The following SGCD variants were observed in gnomAD, a reference collection of about 807,000 sequenced individuals.
SGCD encodes sarcoglycan delta.
In SGCD, 18 loss-of-function variants were observed where a neutral mutation model predicts 36.6. That is an observed-to-expected ratio of 0.49 (90% CI 0.34 to 0.73). SGCD has a LOEUF of 0.73. Among genes scored for constraint, SGCD ranks in the 30% least tolerant of loss-of-function variants. The pLI is 0.01. For synonymous variants in SGCD, 133 were observed against 130.6 expected (o/e 1.02, Z -0.12); for missense variants, 387 against 346.7 (o/e 1.12, Z -0.92).
rs2113423918 is a variant in SGCD at position 156,603,950 on chromosome 5, T to C, written c.502+8899T>C. On this transcript the variant is annotated intron_variant, in intron 6 of 8. Coordinates refer to ENST00000337851, the MANE Select transcript of SGCD (RefSeq NM_000337.6). ...CAGTTTAAGTCTAATATTTCTTTGT[T>C]AATTTTCTGTATAAGTGATCTTTCC... is the stretch of plus-strand genomic sequence containing the variant. 1.3e-5 allele frequency among the ~76,000 whole-genome samples: 2 copies of C among 152,206 alleles called. 1 individual carries two copies. Among genetic ancestry groups the C allele is most frequent in the South Asian group, 4.1e-4 (2 of 4,830 alleles).
At chr5:156,653,493 C>CTTTCTTTTTTTTTTTTTTTTT (rs1763545418) in intron 7 of SGCD, among the ~76,000 whole-genome samples, 1 of 48,082 alleles carries the variant, frequency 2.1e-5, no homozygotes, top group Non-Finnish European at 4.0e-5. Context: ...CTAAAGCTTG[C>CTTTCTTTTTTTTTTTTTTTTT]TTTTTTTTTT....
At chr5:155,998,800 C>T (rs1300431423) in intron 1 of SGCD, among the ~76,000 whole-genome samples, 2 of 152,314 alleles carry the variant, frequency 1.3e-5, no homozygotes, top group African/African-American at 2.4e-5. Flanking sequence ...CTATGACTTA[C>T]CTGCTGGGTT....
chr5:155,729,184 C>T, the SGCD span, among the ~76,000 whole-genome samples: 3 of 152,228 alleles, frequency 2.0e-5, no homozygotes, highest in Non-Finnish European at 1.5e-5. Flanking sequence ...GAGGGAGTCC[C>T]CTTCCGCTTC....
At chr5:156,480,531 G>A (rs1455440355) in intron 3 of SGCD, among the ~76,000 whole-genome samples, 1 of 152,218 alleles carries the variant, frequency 6.6e-6, no homozygotes, top group East Asian at 1.9e-4. Context: ...AAGGAAATCA[G>A]ATGACCTTGA....
chr5:156,379,530 CTG>C (rs1456686350), intron 3 of SGCD, among the ~76,000 whole-genome samples: 1 of 152,132 alleles, frequency 6.6e-6, no homozygotes, highest in Non-Finnish European at 1.5e-5. Flanking sequence ...CATGGAGTGT[CTG>C]TAAATCAGAA....
chr5:155,754,116 A>G, the SGCD span, among the ~76,000 whole-genome samples: 3 of 152,288 alleles, frequency 2.0e-5, no homozygotes, highest in East Asian at 1.9e-4. Context: ...TGTTGTGGAA[A>G]CAGAACTGGA....
intron 3 of SGCD, among the ~76,000 whole-genome samples, chr5:156,439,098 A>T (rs949309500): frequency 6.6e-6 from 1 of 152,128 alleles, no homozygotes; most frequent in African/African-American, 2.4e-5. Flanking sequence ...AAAATAAGTA[A>T]TAGCAGCTAA....
At chr5:155,742,655 C>T in the SGCD span, among the ~76,000 whole-genome samples, 1 of 152,324 alleles carries the variant, frequency 6.6e-6, no homozygotes, top group Admixed American at 6.5e-5. Flanking sequence ...CCCCCACCCA[C>T]CTCATACCAA....
At chr5:155,783,822 A>T in the SGCD span, among the ~76,000 whole-genome samples, 1 of 152,242 alleles carries the variant, frequency 6.6e-6, no homozygotes, top group East Asian at 1.9e-4. Context: ...TATTTTGAAC[A>T]CGATATGTGG....
Position 156,293,363 on chromosome 5 carries a change from C to A in SGCD, c.-43-36171C>A, listed in dbSNP as rs1307085328. On this transcript the variant is annotated intron_variant, in intron 3 of 9. Coordinates refer to the SGCD transcript ENST00000517913. ...CCTTTTTAAAATTTTCTTGCCTTTG[C>A]CTTTGGTGTCATATCCAAGAAAGCA... is the stretch of plus-strand genomic sequence containing the variant. 2.6e-5 allele frequency among the ~76,000 whole-genome samples: 4 copies of A among 152,034 alleles called. No homozygotes were observed. In the South Asian group the frequency reaches 8.3e-4, roughly 32 times the overall value.
chr5:156,357,330 C>T (rs966003053), intron 3 of SGCD, among the ~76,000 whole-genome samples: 1 of 152,132 alleles, frequency 6.6e-6, no homozygotes, highest in African/African-American at 2.4e-5. Context: ...AGTGGGTAGC[C>T]AGGTCAATAT....
intron 6 of SGCD, among the ~76,000 whole-genome samples, chr5:156,612,529 C>T (rs1478391521): frequency 1.3e-5 from 2 of 152,244 alleles, no homozygotes; most frequent in Non-Finnish European, 2.9e-5. Flanking sequence ...TTGGACTGGA[C>T]ATGTGCAGGT....
chr5:155,997,300 G>T (rs566421400), intron 1 of SGCD, among the ~76,000 whole-genome samples: 14 of 152,284 alleles, frequency 9.2e-5, no homozygotes, highest in Non-Finnish European at 1.8e-4. Context: ...AAGAGTCCTT[G>T]TTCTTTTATG....
At chr5:156,749,732 A>C (rs1229430604) in intron 7 of SGCD, among the ~76,000 whole-genome samples, 1 of 152,182 alleles carries the variant, frequency 6.6e-6, no homozygotes, top group Admixed American at 6.5e-5. Context: ...TTACAAAAAA[A>C]ACTGGAGAAG....
intron 3 of SGCD, among the ~76,000 whole-genome samples, chr5:156,214,561 A>G (rs759818255): frequency 3.9e-5 from 6 of 152,070 alleles, no homozygotes; most frequent in Non-Finnish European, 7.4e-5. Context: ...CAGATTAAAT[A>G]TAATCTCTAT....
chr5:156,213,916 A>G (rs896425739), intron 3 of SGCD, among the ~76,000 whole-genome samples: 4 of 152,034 alleles, frequency 2.6e-5, no homozygotes, highest in African/African-American at 4.8e-5. Context: ...ATTTTATGTT[A>G]AAAACTCTCA....
chr5:155,838,815 T>G, the SGCD span, among the ~76,000 whole-genome samples: 45 of 151,628 alleles, frequency 3.0e-4, no homozygotes, highest in South Asian at 8.3e-4. Context: ...CTTATTTTTT[T>G]GGGGGGGAAT....
chr5:155,799,157 T>C, the SGCD span, among the ~76,000 whole-genome samples: 21 of 152,184 alleles, frequency 1.4e-4, no homozygotes, highest in Non-Finnish European at 2.9e-4. Flanking sequence ...AAGTAACAAA[T>C]GATTCACATA....
Position 156,759,305 on chromosome 5 carries a change from T to C in SGCD, c.788T>C (p.Ile263Thr). The stretch of plus-strand genomic sequence containing the variant: ...GGAACGAGGCAGAAGGTCTTCGAGA[T>C]CTGCGTCTGCGCCAATGGGAGATTA... ...PTGTRQKVFE[I>T]CVCANGRLFL... The change falls in exon 9 of 9, where the codon ATC becomes ACC. Residue 263 changes from isoleucine (I) to threonine (T), a missense_variant. Coordinates refer to ENST00000337851, the MANE Select transcript of SGCD (RefSeq NM_000337.6). The C allele has an allele frequency of 6.2e-7, 1 of 1,613,762 alleles. No homozygotes were observed. The highest frequency in any genetic ancestry group is 8.5e-7 in the Non-Finnish European group (1 of 1,179,688).
Sources: allele counts gnomAD v4.1 joint callset (sites outside exome capture counted in the v4.1 genomes callset), GRCh38; gene constraint gnomAD v4.1.1; transcripts MANE v1.5; gene names NCBI Gene and HGNC (gene_info 2026-07-23, HGNC 2026-07-21).